CDH13: variants seen among roughly 807,000 people sequenced by gnomAD.
CDH13 encodes cadherin 13.
CDH13 carries 24 observed loss-of-function variants against 63.8 expected under a neutral mutation model. The observed-to-expected ratio is 0.38, with a 90% CI of 0.27 to 0.53. The LOEUF (loss-of-function observed/expected upper bound fraction) is 0.53, where lower values mean the gene tolerates loss of function less well. CDH13 is among the 20% of genes least tolerant of loss of function. The probability of loss-of-function intolerance (pLI) is 0.85; values close to 1 mark genes in which losing one functional copy is unlikely to be tolerated. For synonymous variants in CDH13, 503 were observed against 355.3 expected, an observed-to-expected ratio of 1.42 and a Z score of -4.67; for missense variants, 1,049 against 903.1, an observed-to-expected ratio of 1.16 and a Z score of -2.07.
intron 3 of CDH13, among the ~76,000 whole-genome samples, chr16:83,062,213 C>G (rs543845882): frequency 1.1e-4 from 16 of 152,284 alleles, no homozygotes; most frequent in African/African-American, 3.9e-4. Context: ...TTCAGAGAAG[C>G]CTTCCCTTAT....
intron 1 of CDH13, among the ~76,000 whole-genome samples, chr16:82,818,122 G>C (rs969305473): frequency 6.6e-6 from 1 of 151,376 alleles, no homozygotes; most frequent in Non-Finnish European, 1.5e-5. Context: ...GGTTGTGTGT[G>C]TGTGTGTGTG....
intron 8 of CDH13, among the ~76,000 whole-genome samples, chr16:83,603,718 G>A (rs570341674): frequency 3.3e-5 from 5 of 152,212 alleles, no homozygotes; most frequent in East Asian, 1.9e-4. Context: ...CTCAACCCCC[G>A]AGTTCCCCAA....
intron 11 of CDH13, among the ~76,000 whole-genome samples, chr16:83,778,197 A>C (rs1371000948): frequency 6.6e-6 from 1 of 152,226 alleles, no homozygotes; most frequent in Non-Finnish European, 1.5e-5. Flanking sequence ...AAATGAAGGC[A>C]AGCTGAGTTT....
intron 10 of CDH13, chr16:83,735,461 T>C (rs1911452844): frequency 6.6e-6 from 1 of 152,218 alleles, no homozygotes; most frequent in Non-Finnish European, 1.5e-5. Flanking sequence ...CAAATAATAA[T>C]TGTATATATT....
intron 13 of CDH13, among the ~76,000 whole-genome samples, chr16:83,787,911 C>A (rs1419620972): frequency 2.6e-5 from 4 of 152,198 alleles, no homozygotes; most frequent in African/African-American, 9.7e-5. Flanking sequence ...CCACTGCACT[C>A]CAGCCTAAGC....
At chr16:83,099,038 G>A (rs938165419) in intron 3 of CDH13, among the ~76,000 whole-genome samples, 9 of 151,984 alleles carry the variant, frequency 5.9e-5, no homozygotes, top group African/African-American at 1.9e-4. Flanking sequence ...GTGTGTGGGT[G>A]TGTATGTATA....
chr16:83,689,467 G>C (rs1260131231), intron 10 of CDH13, among the ~76,000 whole-genome samples: 1 of 152,182 alleles, frequency 6.6e-6, no homozygotes, highest in African/African-American at 2.4e-5. Flanking sequence ...CAGCAAGCAC[G>C]AGGAGCTTAT....
intron 5 of CDH13, among the ~76,000 whole-genome samples, chr16:83,308,593 A>G (rs2089931744): frequency 6.6e-6 from 1 of 152,366 alleles, no homozygotes; most frequent in Middle Eastern, 3.4e-3. Flanking sequence ...GGCTTTATGA[A>G]AACATTAGTG....
At chr16:82,961,585 A>C (rs1474757946) in intron 2 of CDH13, among the ~76,000 whole-genome samples, 5 of 151,536 alleles carry the variant, frequency 3.3e-5, no homozygotes, top group East Asian at 1.9e-4. Context: ...AAAAAAAAAA[A>C]AAAAAAAAAA....
Position 83,780,128 on chromosome 16 carries a change from T to C in CDH13, c.1842T>C (p.Asn614=), listed in dbSNP as rs758869753. ...CATCAGATAAGGATCTTCACCCGAA[T>C]ACAGATCCTTTCAAATTTGAAATCC... is the stretch of plus-strand genomic sequence containing the variant. The part of the protein sequence containing the change: ...LGASDKDLHP[N]TDPFKFEIHK... Residue 614 remains asparagine, a synonymous_variant, in exon 12 of 14, where the codon AAT becomes AAC. Transcript: ENST00000567109. 4 of 1,613,404 alleles carry C rather than the reference T, an allele frequency of 2.5e-6. No individual in the cohort carries two copies. In the South Asian group the frequency reaches 3.3e-5, roughly 13 times the overall value.
intron 3 of CDH13, among the ~76,000 whole-genome samples, chr16:83,071,877 T>C (rs1455966241): frequency 6.6e-6 from 1 of 152,216 alleles, no homozygotes; most frequent in African/African-American, 2.4e-5. Flanking sequence ...GCATAGATTA[T>C]AAGTAAAATA....
intron 4 of CDH13, among the ~76,000 whole-genome samples, chr16:83,180,287 G>A (rs1402299049): frequency 6.6e-6 from 1 of 151,918 alleles, no homozygotes; most frequent in Non-Finnish European, 1.5e-5. Flanking sequence ...GTCTTTGGAG[G>A]AAATAAATGC....
intron 6 of CDH13, among the ~76,000 whole-genome samples, chr16:83,448,279 G>A (rs2072771847): frequency 6.6e-6 from 1 of 152,068 alleles, no homozygotes; most frequent in African/African-American, 2.4e-5. Context: ...GCAGATAAAA[G>A]GGAATAAAAC....
chr16:83,765,141 T>A (rs553506839), intron 11 of CDH13, among the ~76,000 whole-genome samples: 16 of 152,322 alleles, frequency 1.1e-4, no homozygotes, highest in Middle Eastern at 3.4e-3. Context: ...TGCTTACATA[T>A]CTGTTCCTGC....
intron 2 of CDH13, among the ~76,000 whole-genome samples, chr16:83,003,793 T>C (rs1377929218): frequency 3.3e-5 from 5 of 152,228 alleles, no homozygotes; most frequent in African/African-American, 1.2e-4. Context: ...TGGAAGCAGT[T>C]ACAGAAATGT....
At chr16:83,254,385 C>T (rs1453498793) in intron 5 of CDH13, among the ~76,000 whole-genome samples, 1 of 152,130 alleles carries the variant, frequency 6.6e-6, no homozygotes, top group African/African-American at 2.4e-5. Flanking sequence ...GATTGAGGAA[C>T]CTGTTTGAGA....
chr16:83,653,777 T>C (rs1334675812), intron 8 of CDH13, among the ~76,000 whole-genome samples: 1 of 152,226 alleles, frequency 6.6e-6, no homozygotes, highest in Non-Finnish European at 1.5e-5. Context: ...TATGTATCTA[T>C]GTAGCATCTC....
At chr16:82,744,918 A>C (rs976281170) in intron 1 of CDH13, among the ~76,000 whole-genome samples, 1 of 152,148 alleles carries the variant, frequency 6.6e-6, no homozygotes, top group Non-Finnish European at 1.5e-5. Flanking sequence ...TGGCCACCAT[A>C]CAGGGCTGCC....
intron 1 of CDH13, among the ~76,000 whole-genome samples, chr16:82,767,904 C>T (rs1412222665): frequency 6.6e-6 from 1 of 152,178 alleles, no homozygotes; most frequent in Non-Finnish European, 1.5e-5. Flanking sequence ...CACAGGTACT[C>T]TTCACCCCAC....
Sources: gnomAD v4.1 joint callset for allele counts (sites outside exome capture counted in the v4.1 genomes callset) on GRCh38, gnomAD v4.1.1 for gene constraint, MANE v1.5 for transcripts, NCBI Gene and HGNC (gene_info 2026-07-23, HGNC 2026-07-21) for gene names.